Variants in HIVEP3 observed in about 807,000 individuals in gnomAD.
HIVEP3 encodes the protein HIVEP zinc finger 3, also known as transcription factor HIVEP3.
Under a neutral mutation model 152.8 loss-of-function variants are expected in HIVEP3, and 49 were observed. That is an observed-to-expected ratio of 0.32 (90% CI 0.26 to 0.41). The LOEUF is 0.41. HIVEP3 is among the 10% of genes least tolerant of loss of function. HIVEP3 has a pLI of 1.00. For missense variants in HIVEP3, 2,790 were observed against 3,103.3 expected (o/e 0.90, Z 2.40); for synonymous variants, 1,269 against 1,289.0 (o/e 0.98, Z 0.33).
At chr1:42,026,034 T>C (rs144509078) in intron 1 of HIVEP3, among the ~76,000 whole-genome samples, 7 of 151,576 alleles carry the variant, frequency 4.6e-5, no homozygotes, top group African/African-American at 1.7e-4. Flanking sequence ...CGTGGCATTG[T>C]CTGCAGCCTG....
chr1:41,923,283 A>G (rs931962768), upstream of HIVEP3, among the ~76,000 whole-genome samples: 1 of 152,244 alleles, frequency 6.6e-6, no homozygotes, highest in African/African-American at 2.4e-5. Context: ...CCTCTAACTG[A>G]TATCTTGTTA....
At chr1:41,998,859 T>C (rs760708936) in intron 1 of HIVEP3, among the ~76,000 whole-genome samples, 9 of 151,290 alleles carry the variant, frequency 5.9e-5, no homozygotes, top group Admixed American at 3.9e-4. Context: ...GAGAATCATT[T>C]TTGCTGGTTT....
At chr1:41,543,828 G>T (rs1223627540) in intron 5 of HIVEP3, 1 of 152,278 alleles carries the variant, frequency 6.6e-6, no homozygotes, top group East Asian at 1.9e-4. Context: ...AAGTGGAGAT[G>T]CTTCTTCGCC....
chr1:42,017,716 G>T (rs1645531854), intron 1 of HIVEP3, among the ~76,000 whole-genome samples: 1 of 152,050 alleles, frequency 6.6e-6, no homozygotes, highest in Admixed American at 6.6e-5. Flanking sequence ...TATTATGAAT[G>T]CTATGTACCT....
chr1:41,827,342 C>T (rs927405523), intron 1 of HIVEP3, among the ~76,000 whole-genome samples: 1 of 152,214 alleles, frequency 6.6e-6, no homozygotes, highest in Non-Finnish European at 1.5e-5. Context: ...CATTCCTCAT[C>T]CTCTTGGCTG....
At chr1:41,675,296 C>T (rs1645937908) in intron 2 of HIVEP3, among the ~76,000 whole-genome samples, 1 of 152,148 alleles carries the variant, frequency 6.6e-6, no homozygotes, top group Non-Finnish European at 1.5e-5. Context: ...TTTCGGTGCC[C>T]CCTGCCTCAG....
At chr1:42,006,190 A>G (rs1453426959) in intron 1 of HIVEP3, among the ~76,000 whole-genome samples, 1 of 152,114 alleles carries the variant, frequency 6.6e-6, no homozygotes, top group Non-Finnish European at 1.5e-5. Flanking sequence ...CAAGCTAAAA[A>G]CTACAGGTGT....
chr1:41,507,029 AC>A lies in HIVEP3; in HGVS notation c.*3421del, dbSNP rs1364276015. On this transcript the variant is annotated 3_prime_UTR_variant, in exon 9 of 9. Coordinates refer to ENST00000372583, the MANE Select transcript of HIVEP3 (RefSeq NM_024503.5). ...GAATTGGTGGAACAGGCTTTCGGGA[AC>A]TTTCTTCCCCTGGTCACACGGCAGA... is the stretch of plus-strand genomic sequence containing the variant. 6.6e-6 allele frequency: 1 copy of A among 152,080 alleles called. No homozygotes were observed. The allele number at this position is 152,080 out of a possible 1,614,324, so 9.4% of individuals were successfully genotyped here.
At chr1:41,925,062 C>A (rs1186354875) in intron 1 of HIVEP3, among the ~76,000 whole-genome samples, 2 of 152,218 alleles carry the variant, frequency 1.3e-5, no homozygotes, top group African/African-American at 4.8e-5. Flanking sequence ...GGTCTGCAAA[C>A]TACAGCCCTT....
chr1:41,535,830 G>A (rs1055128986), intron 5 of HIVEP3: 2 of 151,868 alleles, frequency 1.3e-5, no homozygotes, highest in East Asian at 1.9e-4. Context: ...CAAAAGTGGT[G>A]ACGCAAGGAC....
intron 5 of HIVEP3, among the ~76,000 whole-genome samples, chr1:41,572,357 C>T (rs1049111828): frequency 1.3e-5 from 2 of 152,198 alleles, no homozygotes; most frequent in Non-Finnish European, 2.9e-5. Context: ...ATGGGAGCTG[C>T]CATCACACCT....
intron 1 of HIVEP3, among the ~76,000 whole-genome samples, chr1:41,813,021 C>T (rs1016988120): frequency 6.6e-6 from 1 of 152,142 alleles, no homozygotes; most frequent in Non-Finnish European, 1.5e-5. Flanking sequence ...CCAACCACTT[C>T]ATTTCATTTT....
At chr1:41,568,729 C>T (rs1211354597) in intron 5 of HIVEP3, among the ~76,000 whole-genome samples, 1 of 152,210 alleles carries the variant, frequency 6.6e-6, no homozygotes, top group Non-Finnish European at 1.5e-5. Flanking sequence ...GTCCAAGCAT[C>T]TAGAAAAATG....
chr1:41,989,978 G>A (rs1218398762), intron 1 of HIVEP3, among the ~76,000 whole-genome samples: 16 of 47,470 alleles, frequency 3.4e-4, no homozygotes, highest in African/African-American at 1.5e-3. Context: ...ATGTTAGCTG[G>A]TGATTTTGCT....
chr1:41,743,654 T>C (rs148960953), intron 1 of HIVEP3, among the ~76,000 whole-genome samples: 2,225 of 152,294 alleles, frequency 0.015, 24 homozygotes, highest in Non-Finnish European at 0.018. Flanking sequence ...TCATTTGTCC[T>C]TCACTGGTGA....
intron 1 of HIVEP3, among the ~76,000 whole-genome samples, chr1:41,740,890 G>T (rs1222313267): frequency 6.6e-6 from 1 of 152,212 alleles, no homozygotes; most frequent in East Asian, 1.9e-4. Flanking sequence ...CCTATACGAG[G>T]CAGGGAGGAA....
chr1:41,978,821 G>C (rs541989851), intron 1 of HIVEP3, among the ~76,000 whole-genome samples: 2 of 152,230 alleles, frequency 1.3e-5, no homozygotes, highest in South Asian at 4.1e-4. Flanking sequence ...GGGACAAGTA[G>C]AGTTTGAAAA....
Position 41,510,639 on chromosome 1 carries a change from C to A in HIVEP3, c.7033G>T (p.Ala2345Ser). The stretch of plus-strand genomic sequence containing the variant: ...CTGCTGCGGTCCAGCGGCGGGGTGG[C>A]AGAAGGCTCGGGGTTGGTCGGTGCA... The part of the protein sequence containing the change: ...PRAPTNPEPS[A>S]TPPLDRSSSV... The change falls in exon 9 of 9, where the codon GCC becomes TCC. Residue 2345 changes from alanine to serine, a missense_variant. Physicochemically the swap from Ala to Ser is moderately conservative, Grantham distance 99. This residue lies in a region of HIVEP3 where 816 missense variants were observed against 806.5 expected (regional missense o/e 1.01). Transcript: ENST00000372583. 2 of 1,541,766 alleles carry A rather than the reference C, an allele frequency of 1.3e-6. No homozygotes were observed. The highest frequency in any genetic ancestry group is 1.8e-6 in the Non-Finnish European group (2 of 1,142,220).
At chr1:41,666,387 G>A (rs1460825861) in intron 2 of HIVEP3, among the ~76,000 whole-genome samples, 1 of 152,148 alleles carries the variant, frequency 6.6e-6, no homozygotes, top group Non-Finnish European at 1.5e-5. Flanking sequence ...ACATAGACCT[G>A]GGTTCAGGCT....
Sources: allele counts gnomAD v4.1 joint callset (sites outside exome capture counted in the v4.1 genomes callset), GRCh38; gene constraint gnomAD v4.1.1; regional missense constraint gnomAD v4.1.1; transcripts MANE v1.5; gene names NCBI Gene and HGNC (gene_info 2026-07-23, HGNC 2026-07-21).